TDP1: variants seen among roughly 807,000 people sequenced by gnomAD.
TDP1 encodes the protein tyrosyl-DNA phosphodiesterase 1, also known as tyr-DNA phosphodiesterase 1.
TDP1 carries 64 observed loss-of-function variants against 81.5 expected under a neutral mutation model. That is an observed-to-expected ratio of 0.79 (90% CI 0.64 to 0.97). TDP1 has a LOEUF of 0.97. Among genes scored for constraint, TDP1 ranks in the 50% least tolerant of loss-of-function variants. The probability of loss-of-function intolerance (pLI) is 0.00; values close to 1 mark genes in which losing one functional copy is unlikely to be tolerated. For missense variants in TDP1, 723 were observed against 743.8 expected (o/e 0.97, Z 0.33); for synonymous variants, 256 against 264.3 (o/e 0.97, Z 0.30).
intron 11 of TDP1, 129 bp from the exon 12 acceptor site, chr14:89,989,587 TA>T: frequency 9.0e-7 from 1 of 1,114,164 alleles, no homozygotes; most frequent in Admixed American, 2.5e-5. Context: ...TGAGAACTTT[TA>T]AAAATTTAAA....
intron 12 of TDP1, among the ~76,000 whole-genome samples, chr14:89,991,223 T>C (rs1453303090): frequency 6.6e-6 from 1 of 152,152 alleles, no homozygotes; most frequent in African/African-American, 2.4e-5. Context: ...ATTCTAACAC[T>C]TCAGATCTGT....
At chr14:90,042,962 C>G in intron 16 of TDP1, 108 bp from the exon 17 acceptor site, 1 of 1,582,528 alleles carries the variant, frequency 6.3e-7, no homozygotes, top group Non-Finnish European at 8.6e-7. Flanking sequence ...AGAAAATACT[C>G]TACCACAGTT....
intron 5 of TDP1, 72 bp from the exon 6 acceptor site, chr14:89,971,103 C>G: frequency 7.3e-7 from 1 of 1,364,102 alleles, no homozygotes; most frequent in Middle Eastern, 1.8e-4. Context: ...CCCAAGGTGC[C>G]GGGATTACAG....
intron 14 of TDP1, among the ~76,000 whole-genome samples, chr14:89,996,763 G>A (rs1896679667): frequency 1.3e-5 from 2 of 152,184 alleles, no homozygotes; most frequent in Non-Finnish European, 2.9e-5. Flanking sequence ...AAGAAGAAAG[G>A]GGCAGGGGAG....
At chr14:90,004,508 A>G (rs1897472603) in intron 14 of TDP1, among the ~76,000 whole-genome samples, 1 of 152,218 alleles carries the variant, frequency 6.6e-6, no homozygotes, top group African/African-American at 2.4e-5. Context: ...TAGAGATATG[A>G]AAACTAAAGC....
chr14:90,000,693 T>C (rs1004993147), intron 14 of TDP1, among the ~76,000 whole-genome samples: 2 of 152,208 alleles, frequency 1.3e-5, no homozygotes, highest in African/African-American at 4.8e-5. Context: ...CCCACTGATA[T>C]TTCTTTCCTG....
chr14:90,022,514 A>G (rs1467497427), intron 15 of TDP1, among the ~76,000 whole-genome samples: 1 of 152,204 alleles, frequency 6.6e-6, no homozygotes, highest in Non-Finnish European at 1.5e-5. Flanking sequence ...GGACTCTCCC[A>G]GCTCCATTCC....
intron 15 of TDP1, 151 bp from the exon 16 acceptor site, chr14:90,032,955 T>G: frequency 2.5e-6 from 3 of 1,198,652 alleles, no homozygotes; most frequent in African/African-American, 1.5e-5. Flanking sequence ...GTTGTAAATA[T>G]ATTTGCCTAT....
intron 12 of TDP1, among the ~76,000 whole-genome samples, chr14:89,990,206 G>A (rs980334053): frequency 5.3e-5 from 8 of 152,052 alleles, no homozygotes; most frequent in African/African-American, 1.4e-4. Context: ...TTTGCCTTTG[G>A]TATAACTTTG....
chr14:89,975,807 A>C lies in TDP1; in HGVS notation c.783A>C (p.Thr261=), dbSNP rs764989851. Residue 261 remains threonine, a synonymous_variant, in exon 7 of 17, where the codon ACA becomes ACC. Transcript: ENST00000335725. The part of the protein sequence containing the change: ...CQAKLDIAFG[T]HHTKMMLLLY... ...CAAAGTTGGATATTGCGTTTGGAAC[A>C]CACCACACGTAAGCACTTTTTGTGA... 6.2e-7 allele frequency: 1 copy of C among 1,613,216 alleles called. No homozygotes were observed.
intron 6 of TDP1, among the ~76,000 whole-genome samples, chr14:89,974,179 A>C (rs892771484): frequency 1.3e-5 from 2 of 152,274 alleles, no homozygotes; most frequent in Non-Finnish European, 2.9e-5. Flanking sequence ...TTGATTGCTA[A>C]TGCTGTTCAT....
chr14:89,955,001 C>A, upstream of TDP1: 1 of 372,364 alleles, frequency 2.7e-6, no homozygotes, highest in Non-Finnish European at 4.9e-6. Flanking sequence ...ATGCCTGGTT[C>A]ATGATTTATT....
intron 12 of TDP1, among the ~76,000 whole-genome samples, chr14:89,990,587 T>C (rs1054994942): frequency 8.4e-5 from 12 of 143,422 alleles, no homozygotes; most frequent in Non-Finnish European, 1.2e-4. Flanking sequence ...AAAACCAAAA[T>C]TACTTCACCG....
chr14:89,998,420 A>ATATATATATGTATGTATGTATG (rs1566891293), intron 14 of TDP1, among the ~76,000 whole-genome samples: 1 of 79,284 alleles, frequency 1.3e-5, no homozygotes, highest in Non-Finnish European at 2.4e-5. Flanking sequence ...ATATATATAT[A>ATATATATATGTATGTATGTATG]TATGTATGTA....
chr14:90,004,808 T>G (rs1452409174), intron 14 of TDP1, among the ~76,000 whole-genome samples: 5 of 152,174 alleles, frequency 3.3e-5, no homozygotes, highest in Admixed American at 1.3e-4. Flanking sequence ...GGAAGTAGGT[T>G]GCCTATAAGG....
In TDP1 at chr14:90,014,032, C is replaced by T. The variant is rs140122681; in HGVS notation, c.1542-5284C>T. On this transcript the variant is annotated intron_variant, in intron 14 of 16. Transcript: ENST00000335725. ...TTAGCTGCGTGAGAACAGACTAATACAATACTTAATATCATTAGTAATCAG... is the reference window on the plus strand; with the variant it reads ...TTAGCTGCGTGAGAACAGACTAATATAATACTTAATATCATTAGTAATCAG... Among the ~76,000 whole-genome samples, 742 of 152,266 alleles carry T rather than the reference C, an allele frequency of 4.9e-3. 5 individuals carry two copies. Among genetic ancestry groups the T allele is most frequent in the African/African-American group, 0.017 (694 of 41,552 alleles).
chr14:90,015,274 A>G (rs1239083994), intron 14 of TDP1, among the ~76,000 whole-genome samples: 6 of 152,214 alleles, frequency 3.9e-5, no homozygotes, highest in Non-Finnish European at 5.9e-5. Context: ...CATGTGCCTA[A>G]CATGCCATTC....
At chr14:90,012,145 A>G (rs1236539757) in intron 14 of TDP1, among the ~76,000 whole-genome samples, 1 of 152,198 alleles carries the variant, frequency 6.6e-6, no homozygotes, top group Non-Finnish European at 1.5e-5. Context: ...GCAAGCCCCA[A>G]GCCTTGGTGG....
rs749312178 is a variant in TDP1, at chr14:89,963,464, C to T, written c.350C>T (p.Ser117Phe). The change falls in exon 3 of 17, where the codon TCT (serine) becomes TTT (phenylalanine). Residue 117 changes from serine to phenylalanine, a missense_variant. By Grantham distance (155) the Ser-to-Phe change is radical. Transcript: ENST00000335725. ...KVVIKKEKDISAPNDGTAQRT... is the reference protein window; with the variant it reads ...KVVIKKEKDIFAPNDGTAQRT... Reference sequence around the variant, plus strand: ...GTGATCAAAAAGGAGAAAGACATCTCTGCTCCCAATGACGGCACTGCCCAA... The same window carrying T: ...GTGATCAAAAAGGAGAAAGACATCTTTGCTCCCAATGACGGCACTGCCCAA... 6.2e-7 allele frequency: 1 copy of T among 1,611,836 alleles called. No homozygotes were observed. Among genetic ancestry groups the T allele is most frequent in the Non-Finnish European group, 8.5e-7 (1 of 1,178,710 alleles).
Sources: allele counts gnomAD v4.1 joint callset (sites outside exome capture counted in the v4.1 genomes callset), GRCh38; gene constraint gnomAD v4.1.1; transcripts MANE v1.5; gene names NCBI Gene and HGNC (gene_info 2026-07-23, HGNC 2026-07-21).